FBXO42: variants seen among roughly 807,000 people sequenced by gnomAD.
The protein encoded by FBXO42 is F-box only protein 42.
FBXO42 carries 12 observed loss-of-function variants against 71.7 expected under a neutral mutation model. The ratio of observed to expected loss-of-function variants is 0.17; its 90% CI spans 0.11 to 0.27. The LOEUF is 0.27. Ranked by LOEUF, FBXO42 falls within the 10% of genes least tolerant of loss-of-function variation. FBXO42 has a pLI of 1.00. For synonymous variants in FBXO42, 325 were observed against 327.5 expected (o/e 0.99, Z 0.08); for missense variants, 707 against 911.9 (o/e 0.78, Z 2.89).
At chr1:16,276,163 C>T (rs911490584) in intron 4 of FBXO42, among the ~76,000 whole-genome samples, 8 of 151,788 alleles carry the variant, frequency 5.3e-5, no homozygotes, top group East Asian at 3.9e-4. Context: ...GGGTGGATCA[C>T]GAGGTCAGGA....
intron 4 of FBXO42, among the ~76,000 whole-genome samples, chr1:16,290,179 G>C (rs988306713): frequency 6.6e-6 from 1 of 152,150 alleles, no homozygotes; most frequent in African/African-American, 2.4e-5. Flanking sequence ...TCTTCCTCCA[G>C]ATGGAGCACT....
chr1:16,316,327 A>C (rs921513921), intron 1 of FBXO42, among the ~76,000 whole-genome samples: 6 of 152,090 alleles, frequency 3.9e-5, no homozygotes, highest in African/African-American at 1.4e-4. Context: ...TTGCCACAAA[A>C]TATCTCTTTT....
intron 4 of FBXO42, among the ~76,000 whole-genome samples, chr1:16,267,885 C>T (rs954146736): frequency 2.6e-5 from 4 of 152,166 alleles, no homozygotes; most frequent in Non-Finnish European, 5.9e-5. Context: ...TCTAACTATG[C>T]CACAGGCATG....
At chr1:16,292,855 G>A (rs10489598) in intron 4 of FBXO42, 41,527 of 152,086 alleles carry the variant, frequency 0.27, 6,562 homozygotes, top group Non-Finnish European at 0.37. Flanking sequence ...AAGCATGGTG[G>A]CAATAGGATG....
At chr1:16,254,745 G>A (rs2081622219) in intron 6 of FBXO42, among the ~76,000 whole-genome samples, 1 of 152,168 alleles carries the variant, frequency 6.6e-6, no homozygotes, top group African/African-American at 2.4e-5. Flanking sequence ...GACCACAACT[G>A]CTGCTACCGC....
In FBXO42 at chr1:16,321,776, T is replaced by G. The variant is rs186459484; in HGVS notation, c.-17-6341A>C. On this transcript the variant is annotated intron_variant, in intron 1 of 9. Coordinates refer to ENST00000375592, the MANE Select transcript of FBXO42 (RefSeq NM_018994.3). Reference sequence around the variant, plus strand: ...GGCACAATTATAGTTCACTGCAGCCTTGAACTCCTAGGCTCAAGTGATCCT... The same window carrying G: ...GGCACAATTATAGTTCACTGCAGCCGTGAACTCCTAGGCTCAAGTGATCCT... 3.0e-4 allele frequency among the ~76,000 whole-genome samples: 46 copies of G among 152,236 alleles called. No homozygotes were observed. The East Asian group carries it at 7.9e-3, about 26-fold the overall frequency.
At chr1:16,330,051 CT>C (rs2082484833) in intron 1 of FBXO42, among the ~76,000 whole-genome samples, 1 of 152,192 alleles carries the variant, frequency 6.6e-6, no homozygotes, top group Admixed American at 6.6e-5. Context: ...TTTCCCCTAC[CT>C]TCCTAACTTG....
At chr1:16,331,101 G>A (rs1272179267) in intron 1 of FBXO42, among the ~76,000 whole-genome samples, 6 of 151,390 alleles carry the variant, frequency 4.0e-5, no homozygotes, top group South Asian at 2.1e-4. Context: ...GCCTAGTGAC[G>A]GAGTGAAACT....
intron 1 of FBXO42, among the ~76,000 whole-genome samples, chr1:16,333,024 G>A (rs2082514570): frequency 6.6e-6 from 1 of 151,968 alleles, no homozygotes; most frequent in African/African-American, 2.4e-5. Flanking sequence ...TGCTCTTGCT[G>A]GCCATCCCCT....
At chr1:16,348,065 T>C (rs1219647378) in intron 1 of FBXO42, among the ~76,000 whole-genome samples, 2 of 151,838 alleles carry the variant, frequency 1.3e-5, no homozygotes, top group Non-Finnish European at 2.9e-5. Flanking sequence ...ATAAGCTTAA[T>C]GCTGGACAAT....
intron 1 of FBXO42, among the ~76,000 whole-genome samples, chr1:16,330,634 C>T (rs537178083): frequency 6.6e-6 from 1 of 152,216 alleles, no homozygotes; most frequent in African/African-American, 2.4e-5. Context: ...TGGTGAAACC[C>T]TGTCTCTACT....
chr1:16,319,525 G>C (rs11804394), intron 1 of FBXO42, among the ~76,000 whole-genome samples: 2 of 152,110 alleles, frequency 1.3e-5, no homozygotes, highest in Admixed American at 6.6e-5. Flanking sequence ...GGTGGTATGG[G>C]GGAAAGGCAC....
At chr1:16,292,971 C>T (rs1474615444) in intron 4 of FBXO42, 1 of 152,208 alleles carries the variant, frequency 6.6e-6, no homozygotes, top group Non-Finnish European at 1.5e-5. Context: ...AAAGCAAGAT[C>T]TTGTCTCAAA....
At chr1:16,330,384 T>C (rs1381198868) in intron 1 of FBXO42, among the ~76,000 whole-genome samples, 1 of 151,652 alleles carries the variant, frequency 6.6e-6, no homozygotes, top group Non-Finnish European at 1.5e-5. Context: ...ATTAGCTGGG[T>C]GTGGTGGCAG....
chr1:16,284,656 C>A lies in FBXO42; in HGVS notation c.502+10127G>T, dbSNP rs548924440. 9.9e-4 allele frequency among the ~76,000 whole-genome samples: 150 copies of A among 151,976 alleles called. 1 individual carries two copies. Among genetic ancestry groups the A allele is most frequent in the African/African-American group, 3.3e-3 (138 of 41,464 alleles). On this transcript the variant is annotated intron_variant, in intron 4 of 9. Coordinates refer to ENST00000375592, the MANE Select transcript of FBXO42 (RefSeq NM_018994.3). ...ACCAGCCTGGCCAAGATAGTGAAAC[C>A]CCATCTCTACTAAAAATACAAAAAA...
At position 16,352,237 on chromosome 1, in the gene FBXO42, G is replaced by T. The variant is rs2082708718; in HGVS notation, c.-18+18C>A. 2.5e-6 allele frequency: 1 copy of T among 394,380 alleles called. No individual in the cohort carries two copies. The highest frequency in any genetic ancestry group is 1.4e-4 in the South Asian group (1 of 7,050). The allele number at this position is 394,380 out of a possible 1,614,324, so 24.4% of individuals were successfully genotyped here. On this transcript the variant is annotated intron_variant, in intron 1 of 9. Coordinates refer to ENST00000375592, the MANE Select transcript of FBXO42 (RefSeq NM_018994.3). ...CGCCGGCTCCCCTCTGCGGCCCGGG[G>T]AGGAGGAGAGGCCTCACCTGGCCCA... is the stretch of plus-strand genomic sequence containing the variant.
intron 4 of FBXO42, among the ~76,000 whole-genome samples, chr1:16,276,638 A>T (rs2081906570): frequency 6.6e-6 from 1 of 152,226 alleles, no homozygotes; most frequent in African/African-American, 2.4e-5. Flanking sequence ...CATAAAGTTA[A>T]TCTATATAGC....
chr1:16,252,440 T>C lies in FBXO42; in HGVS notation c.922-36A>G, dbSNP rs541154894. ...AAAAACCAATAACAAGACTCAGGTGTGATATGCGTTCCAAAACACACACAC... is the reference window on the plus strand; with the variant it reads ...AAAAACCAATAACAAGACTCAGGTGCGATATGCGTTCCAAAACACACACAC... On this transcript the variant is annotated intron_variant, in intron 8 of 9. Transcript: ENST00000375592. The surrounding 1 kb of genome is among the most constrained non-coding windows in gnomAD (Gnocchi z 4.4). The C allele has an allele frequency of 9.9e-6, 15 of 1,516,998 alleles. No individual in the cohort carries two copies. In the East Asian group the frequency reaches 3.4e-4, roughly 34 times the overall value. The allele number at this position is 1,516,998 out of a possible 1,614,324, so 94.0% of individuals were successfully genotyped here. A position where few individuals can be genotyped will look rare whatever the true frequency, so the allele number is the denominator to read the frequency against.
intron 4 of FBXO42, among the ~76,000 whole-genome samples, chr1:16,278,138 C>A (rs919124798): frequency 1.3e-5 from 2 of 152,118 alleles, no homozygotes; most frequent in Non-Finnish European, 2.9e-5. Flanking sequence ...GGGCGGATCA[C>A]CTGAGGCTGG....
Sources: gnomAD v4.1 joint callset for allele counts (sites outside exome capture counted in the v4.1 genomes callset) on GRCh38, gnomAD v4.1.1 for gene constraint, Gnocchi (gnomAD v3.1) non-coding constraint, MANE v1.5 for transcripts, NCBI Gene and HGNC (gene_info 2026-07-23, HGNC 2026-07-21) for gene names.